The following PTPRG variants were observed in gnomAD, a reference collection of about 807,000 sequenced individuals.
PTPRG encodes the protein receptor-type tyrosine-protein phosphatase gamma.
In PTPRG, 102 loss-of-function variants were observed where a neutral mutation model predicts 165.3. That is an observed-to-expected ratio of 0.62 (90% CI 0.53 to 0.73). PTPRG has a LOEUF of 0.73. PTPRG is among the 30% of genes least tolerant of loss of function. The pLI is 0.00. For missense variants in PTPRG, 1,866 were observed against 1,861.4 expected, an observed-to-expected ratio of 1.00 and a Z score of -0.05; for synonymous variants, 675 against 669.5, an observed-to-expected ratio of 1.01 and a Z score of -0.13.
intron 2 of PTPRG, among the ~76,000 whole-genome samples, chr3:61,878,512 CAGGT>C (rs1339315113): frequency 6.6e-6 from 1 of 151,998 alleles, no homozygotes; most frequent in Non-Finnish European, 1.5e-5. Flanking sequence ...TTCATTAAGA[CAGGT>C]AGGGTATCGC....
At chr3:62,146,920 A>T (rs114972314) in intron 6 of PTPRG, among the ~76,000 whole-genome samples, 1,647 of 152,308 alleles carry the variant, frequency 0.011, 27 homozygotes, top group African/African-American at 0.036. Flanking sequence ...TAGTTTGGTC[A>T]ATTTCTTTTA....
At chr3:62,001,606 A>G (rs905850336) in intron 3 of PTPRG, among the ~76,000 whole-genome samples, 2 of 151,336 alleles carry the variant, frequency 1.3e-5, no homozygotes, top group Non-Finnish European at 2.9e-5. Flanking sequence ...ATCTGTATAT[A>G]TAGATATATT....
intron 2 of PTPRG, among the ~76,000 whole-genome samples, chr3:61,772,776 C>T (rs2034248425): frequency 6.6e-6 from 1 of 152,196 alleles, no homozygotes. Context: ...ACTACCAAAG[C>T]ACTGCAGTAT....
At chr3:62,279,596 C>G (rs1702357540) in intron 26 of PTPRG, among the ~76,000 whole-genome samples, 1 of 152,076 alleles carries the variant, frequency 6.6e-6, no homozygotes. Flanking sequence ...TACCTTATGT[C>G]TTTAATATCT....
intron 2 of PTPRG, among the ~76,000 whole-genome samples, chr3:61,850,254 C>T (rs750878077): frequency 2.0e-5 from 3 of 152,172 alleles, no homozygotes; most frequent in Non-Finnish European, 2.9e-5. Flanking sequence ...CCCCCGCCTC[C>T]TGGGTTCAAG....
intron 6 of PTPRG, among the ~76,000 whole-genome samples, chr3:62,150,503 A>G (rs1480701577): frequency 6.6e-6 from 1 of 152,190 alleles, no homozygotes; most frequent in Non-Finnish European, 1.5e-5. Context: ...TTGCCTGCAC[A>G]TTGAAGTTTA....
intron 8 of PTPRG, among the ~76,000 whole-genome samples, chr3:62,185,369 G>A (rs1050450518): frequency 3.3e-5 from 5 of 152,196 alleles, no homozygotes; most frequent in South Asian, 2.1e-4. Context: ...GCAAAAGGAC[G>A]TATCAAGAGG....
At chr3:62,065,669 T>G (rs1425311870) in intron 4 of PTPRG, among the ~76,000 whole-genome samples, 1 of 152,222 alleles carries the variant, frequency 6.6e-6, no homozygotes, top group Non-Finnish European at 1.5e-5. Context: ...CATTCCATAG[T>G]CATTTAATGA....
Position 61,937,307 on chromosome 3 carries a change from C to A in PTPRG, c.191-52318C>A, listed in dbSNP as rs564641011. On this transcript the variant is annotated intron_variant, in intron 2 of 29. Transcript: ENST00000474889. ...TTAATGTGAGAACTGCTGGCCATTT[C>A]ATTTTGACCCTGGTTTCACTGCTGT... Among the ~76,000 whole-genome samples, 20 of 152,280 alleles carry A rather than the reference C, an allele frequency of 1.3e-4. No homozygotes were observed. The East Asian group carries it at 3.7e-3, about 28-fold the overall frequency.
intron 2 of PTPRG, among the ~76,000 whole-genome samples, chr3:61,905,906 A>G (rs1015520376): frequency 7.9e-5 from 12 of 152,310 alleles, no homozygotes; most frequent in Middle Eastern, 3.4e-3. Flanking sequence ...TTTTACATGT[A>G]TTATGTCTCC....
Position 61,923,642 on chromosome 3 carries a change from C to T in PTPRG, c.191-65983C>T, listed in dbSNP as rs770808962. On this transcript the variant is annotated intron_variant, in intron 2 of 29. Coordinates refer to ENST00000474889, the MANE Select transcript of PTPRG (RefSeq NM_002841.4). ...TCATTGTTCAGTTCCCACCTATGAG[C>T]GAGAACAGTTCCCACCTATGAGCAC... Among the ~76,000 whole-genome samples, 17 of 145,492 alleles carry T rather than the reference C, an allele frequency of 1.2e-4. 1 individual carries two copies. Among genetic ancestry groups the T allele is most frequent in the South Asian group, 1.1e-3 (5 of 4,454 alleles).
chr3:61,814,231 TG>T (rs1335924089), intron 2 of PTPRG, among the ~76,000 whole-genome samples: 1 of 152,094 alleles, frequency 6.6e-6, no homozygotes, highest in East Asian at 1.9e-4. Context: ...AAGATATTGA[TG>T]GGGAGAAAGC....
intron 1 of PTPRG, among the ~76,000 whole-genome samples, chr3:61,592,822 C>A (rs141500777): frequency 2.6e-5 from 4 of 152,072 alleles, no homozygotes; most frequent in African/African-American, 9.7e-5. Context: ...CATTTTCCCC[C>A]ACAAGTTCCC....
At chr3:61,755,612 T>A (rs2033609908) in intron 2 of PTPRG, among the ~76,000 whole-genome samples, 1 of 152,220 alleles carries the variant, frequency 6.6e-6, no homozygotes, top group South Asian at 2.1e-4. Flanking sequence ...AAGCTGCCCA[T>A]AAAATTGCTG....
chr3:61,914,108 T>C (rs905630966), intron 2 of PTPRG, among the ~76,000 whole-genome samples: 28 of 152,200 alleles, frequency 1.8e-4, no homozygotes, highest in African/African-American at 6.3e-4. Flanking sequence ...GAGTTACTTT[T>C]CCTCTCATCT....
At chr3:62,027,349 A>G (rs1175233880) in intron 4 of PTPRG, among the ~76,000 whole-genome samples, 2 of 152,040 alleles carry the variant, frequency 1.3e-5, no homozygotes, top group African/African-American at 4.8e-5. Flanking sequence ...TCCAGTCCCT[A>G]TACTTTATTC....
At chr3:61,595,746 G>C (rs1575526273) in intron 1 of PTPRG, among the ~76,000 whole-genome samples, 1 of 152,284 alleles carries the variant, frequency 6.6e-6, no homozygotes, top group South Asian at 2.1e-4. Flanking sequence ...ATAGGTTTAG[G>C]TAACTGATTC....
chr3:61,742,908 G>A (rs1207377973), intron 1 of PTPRG: 1 of 1,455,858 alleles, frequency 6.9e-7, no homozygotes, highest in Non-Finnish European at 9.6e-7. Context: ...GGTCCCCCAG[G>A]ACACACACAC....
At chr3:62,231,180 A>G in intron 13 of PTPRG, 45 bp from the exon 14 acceptor site, 6 of 1,408,788 alleles carry the variant, frequency 4.3e-6, no homozygotes, top group Non-Finnish European at 4.7e-6. Flanking sequence ...CCAATTGAAA[A>G]TACTGTATTC....
Sources: allele counts gnomAD v4.1 joint callset (sites outside exome capture counted in the v4.1 genomes callset), GRCh38; gene constraint gnomAD v4.1.1; transcripts MANE v1.5; gene names NCBI Gene and HGNC (gene_info 2026-07-23, HGNC 2026-07-21).